Variants in POLE observed in about 807,000 individuals in gnomAD.
The protein encoded by POLE is DNA polymerase epsilon catalytic subunit A.
Under a neutral mutation model 279.2 loss-of-function variants are expected in POLE, and 188 were observed. That is an observed-to-expected ratio of 0.67 (90% confidence interval 0.60 to 0.76). POLE has a LOEUF of 0.76. Ranked by LOEUF, POLE falls within the 30% of genes least tolerant of loss-of-function variation. POLE has a pLI of 0.00. For missense variants in POLE, 2,703 were observed against 3,016.7 expected, an observed-to-expected ratio of 0.90 and a Z score of 2.44; for synonymous variants, 1,214 against 1,172.5, an observed-to-expected ratio of 1.04 and a Z score of -0.72.
At chr12:132,662,859 T>C (rs2042709350) in intron 23 of POLE, among the ~76,000 whole-genome samples, 1 of 152,136 alleles carries the variant, frequency 6.6e-6, no homozygotes, top group Non-Finnish European at 1.5e-5. Flanking sequence ...CCCTGGGATG[T>C]CCACTCTGAT....
Position 132,675,351 on chromosome 12 carries a change from T to G in POLE, c.1226+47A>C. 1 of 1,599,086 alleles carries G rather than the reference T, an allele frequency of 6.3e-7. No homozygotes were observed. The highest frequency in any genetic ancestry group is 8.5e-7 in the Non-Finnish European group (1 of 1,172,460). ...ACAGTCTGCAAGAGGCCTTCAGATC[T>G]CGCTCACGGACAGCAGTGAGGAGCC... On this transcript the variant is annotated intron_variant, in intron 12 of 48. Coordinates refer to ENST00000320574, the MANE Select transcript of POLE (RefSeq NM_006231.4). This position sits in a 1 kb window ranked among gnomAD's most constrained non-coding sequence, Gnocchi z 4.3.
chr12:132,663,380 C>A (rs1287559105), intron 23 of POLE, among the ~76,000 whole-genome samples: 2 of 152,256 alleles, frequency 1.3e-5, no homozygotes, highest in Non-Finnish European at 2.9e-5. Context: ...CGTGTGAGAA[C>A]GTGGGGAGGG....
Position 132,648,938 on chromosome 12 carries a change from C to T in POLE, c.4140G>A (p.Ser1380=), listed in dbSNP as rs199851128. 1.4e-5 allele frequency: 22 copies of T among 1,612,200 alleles called. No individual in the cohort carries two copies. In the East Asian group the frequency reaches 2.2e-4, roughly 16 times the overall value. Residue 1380 remains serine, a synonymous_variant, in exon 32 of 49, where the codon TCG becomes TCA. Coordinates refer to ENST00000320574, the MANE Select transcript of POLE (RefSeq NM_006231.4). The part of the protein sequence containing the change: ...QRVAKAEEGA[S]YRKVNRVLPR... Reference sequence around the variant, plus strand: ...ACCAGCTCCTCCCTACCTTGCGATACGAAGCACCCTCCTCCGCTTTAGCGA... The same window carrying T: ...ACCAGCTCCTCCCTACCTTGCGATATGAAGCACCCTCCTCCGCTTTAGCGA...
chr12:132,627,287 A>T (rs976546025), intron 45 of POLE, among the ~76,000 whole-genome samples: 1 of 152,214 alleles, frequency 6.6e-6, no homozygotes, highest in East Asian at 1.9e-4. Context: ...ATCTCAAAAA[A>T]AAAAAAAGCT....
chr12:132,636,126 C>T (rs2138488886), intron 41 of POLE, 102 bp from the exon 42 acceptor site: 3 of 1,234,050 alleles, frequency 2.4e-6, no homozygotes, highest in Middle Eastern at 2.0e-4. Flanking sequence ...ACTTACTTAA[C>T]ACTGAATTTG....
In POLE at chr12:132,672,302, G is replaced by C. The variant is rs147438050; in HGVS notation, c.1707C>G (p.Phe569Leu). The C allele has an allele frequency of 2.1e-5, 34 of 1,614,050 alleles. 1 individual carries two copies. In the Middle Eastern group the frequency reaches 3.8e-3, roughly 180 times the overall value. Residue 569 changes from phenylalanine (F) to leucine (L), a missense_variant, in exon 16 of 49, where the codon TTC (phenylalanine) becomes TTG (leucine). Phe to Leu is a conservative substitution (Grantham distance 22). This residue lies in a region of POLE where 1,011 missense variants were observed against 1,111.7 expected (regional missense o/e 0.91). Coordinates refer to ENST00000320574, the MANE Select transcript of POLE (RefSeq NM_006231.4). ...RFRMNPAAFD[F>L]LLQRVEKTLR... Reference sequence around the variant, plus strand: ...AGGTCTTCTCAACCCGCTGCAGCAGGAAGTCAAAGGCGGCAGGATTCTAGC... The same window carrying C: ...AGGTCTTCTCAACCCGCTGCAGCAGCAAGTCAAAGGCGGCAGGATTCTAGC...
In POLE at chr12:132,676,078, A is replaced by G; in HGVS notation, c.1020+16T>C. ...TCCCACAATACCGGGTAGTTTCCCAAGTGATACCTCCTTACCTCATCGGGT... is the reference window on the plus strand; with the variant it reads ...TCCCACAATACCGGGTAGTTTCCCAGGTGATACCTCCTTACCTCATCGGGT... On this transcript the variant is annotated intron_variant, in intron 10 of 48. Transcript: ENST00000320574. 1.3e-6 allele frequency: 2 copies of G among 1,536,404 alleles called. No individual in the cohort carries two copies. The highest frequency in any genetic ancestry group is 8.9e-7 in the Non-Finnish European group (1 of 1,119,320).
chr12:132,668,799 G>A lies in POLE; in HGVS notation c.1923+12C>T, dbSNP rs764448704. ...GAGAGCTCCGACTCTGACACGGGAA[G>A]TAAAGTCTCACCTGCAGGCGGTTGG... On this transcript the variant is annotated intron_variant, in intron 17 of 48. Transcript: ENST00000320574. This position sits in a 1 kb window ranked among gnomAD's most constrained non-coding sequence, Gnocchi z 4.0. 5.0e-6 allele frequency: 8 copies of A among 1,614,038 alleles called. No individual in the cohort carries two copies. Among genetic ancestry groups the A allele is most frequent in the Non-Finnish European group, 6.8e-6 (8 of 1,179,870 alleles).
At chr12:132,632,547 T>C (rs778075350) in intron 44 of POLE, 39 bp from the exon 45 acceptor site, 1 of 1,607,140 alleles carries the variant, frequency 6.2e-7, no homozygotes, top group South Asian at 1.1e-5. Context: ...GTCTGGGACC[T>C]GTCTGGCACT....
chr12:132,665,161 C>A (rs994124631), intron 21 of POLE, 141 bp downstream of exon 21: 24 of 948,098 alleles, frequency 2.5e-5, no homozygotes, highest in African/African-American at 6.5e-5. Context: ...CAGCCCCACC[C>A]CAGCCCAAAG....
At position 132,673,169 on chromosome 12, in the gene POLE, C is replaced by G. The variant is rs755463796; in HGVS notation, c.1468G>C (p.Asp490His). ...ALCTIIPMEP[D>H]EVLRKGSGTL... ...ACAGGACAGATAATGCTCACCTCGT[C>G]GGGCTCCATGGGAATAATGGTGCAC... The change falls in exon 14 of 49, where the codon GAC (aspartate) becomes CAC (histidine). Residue 490 changes from aspartate to histidine, a missense_variant. Physicochemically the swap from Asp to His is moderately conservative, Grantham distance 81. Coordinates refer to ENST00000320574, the MANE Select transcript of POLE (RefSeq NM_006231.4). 2 of 1,598,778 alleles carry G rather than the reference C, an allele frequency of 1.3e-6. No homozygotes were observed. Among genetic ancestry groups the G allele is most frequent in the East Asian group, 4.5e-5 (2 of 44,812 alleles).
At chr12:132,671,486 T>C (rs557920914) in intron 16 of POLE, among the ~76,000 whole-genome samples, 10 of 150,884 alleles carry the variant, frequency 6.6e-5, no homozygotes, top group Non-Finnish European at 1.5e-4. Context: ...CTGGACAACA[T>C]GGTGAAACCC....
intron 21 of POLE, 148 bp downstream of exon 21, chr12:132,665,154 C>A (rs2042763229): frequency 1.0e-5 from 9 of 868,228 alleles, no homozygotes; most frequent in Non-Finnish European, 1.6e-5. Context: ...AACCTCCCAG[C>A]CCCACCCCAG....
rs954148079 is a variant in POLE, at chr12:132,649,199, C to G, written c.4005+107G>C. On this transcript the variant is annotated intron_variant, in intron 31 of 48. Coordinates refer to ENST00000320574, the MANE Select transcript of POLE (RefSeq NM_006231.4). ...GCCTCCCTACGATGGGCAGGAAACT[C>G]CAGGCCCACTCTAACCCTCCCATCC... 22 of 1,491,926 alleles carry G rather than the reference C, an allele frequency of 1.5e-5. No individual in the cohort carries two copies. The African/African-American group carries it at 2.1e-4, about 14-fold the overall frequency. 92.4% of individuals were successfully genotyped at this position (1,491,926 alleles called of 1,614,324 possible). A position where few individuals can be genotyped will look rare whatever the true frequency, so the allele number is the denominator to read the frequency against.
At chr12:132,632,995 C>T (rs918396321) in intron 43 of POLE, 200 bp from the exon 44 acceptor site, 8 of 580,376 alleles carry the variant, frequency 1.4e-5, no homozygotes, top group Admixed American at 7.0e-5. Context: ...CACTCGCTGA[C>T]ACCTGAGTTC....
intron 26 of POLE, chr12:132,658,195 T>C (rs1334393973): frequency 2.1e-6 from 1 of 482,434 alleles, no homozygotes; most frequent in Non-Finnish European, 3.8e-6. Flanking sequence ...TAAACATGTC[T>C]ACATGTTCCT....
chr12:132,680,760 C>T (rs1362548436), intron 2 of POLE, 73 bp from the exon 3 acceptor site: 10 of 1,211,454 alleles, frequency 8.3e-6, no homozygotes, highest in Admixed American at 5.2e-5. Flanking sequence ...TCCTACCTTT[C>T]GGGAAACTCA....
intron 45 of POLE, 81 bp downstream of exon 45, chr12:132,632,234 C>T: frequency 1.8e-6 from 2 of 1,122,836 alleles, no homozygotes; most frequent in South Asian, 1.4e-5. Flanking sequence ...CGCATTACAG[C>T]CTCACCTTGC....
At position 132,624,273 on chromosome 12, in the gene POLE, C is replaced by A. The variant is rs186570282; in HGVS notation, c.*424G>T. On this transcript the variant is annotated 3_prime_UTR_variant, in exon 49 of 49. Coordinates refer to ENST00000320574, the MANE Select transcript of POLE (RefSeq NM_006231.4). ...AGGGCCTTGGGAACCCGTCTCGTCT[C>A]AGAGCCCAATCTCAGGGAGCCAGAA... The A allele has an allele frequency of 2.3e-4, 61 of 270,646 alleles. No individual in the cohort carries two copies. In the East Asian group the frequency reaches 3.3e-3, roughly 15 times the overall value. The allele number at this position is 270,646 out of a possible 1,614,324, so 16.8% of individuals were successfully genotyped here.
Sources: gnomAD v4.1 joint callset for allele counts (sites outside exome capture counted in the v4.1 genomes callset) on GRCh38, gnomAD v4.1.1 for gene constraint, gnomAD v4.1.1 regional missense constraint, Gnocchi (gnomAD v3.1) non-coding constraint, MANE v1.5 for transcripts, NCBI Gene and HGNC (gene_info 2026-07-23, HGNC 2026-07-21) for gene names.